GALNT1: variants seen among roughly 807,000 people sequenced by gnomAD.
GALNT1 encodes the protein polypeptide N-acetylgalactosaminyltransferase 1, also known as GalNAc transferase 1.
In GALNT1, 17 loss-of-function variants were observed where a neutral mutation model predicts 65.7. That is an observed-to-expected ratio of 0.26 (90% CI 0.18 to 0.39). GALNT1 has a LOEUF of 0.39. Ranked by LOEUF, GALNT1 falls within the 10% of genes least tolerant of loss-of-function variation. GALNT1 has a pLI of 1.00. For missense variants in GALNT1, 460 were observed against 672.8 expected, an observed-to-expected ratio of 0.68 and a Z score of 3.50; for synonymous variants, 210 against 219.7, an observed-to-expected ratio of 0.96 and a Z score of 0.39.
chr18:35,603,234 C>G (rs534410406), intron 1 of GALNT1, among the ~76,000 whole-genome samples: 21 of 152,148 alleles, frequency 1.4e-4, no homozygotes, highest in African/African-American at 5.1e-4. Flanking sequence ...TCACCTTGAC[C>G]TCACTTTTTC....
chr18:35,692,233 C>G lies in GALNT1; in HGVS notation c.1212C>G (p.His404Gln). ...GDISSRVGLRHKLQCKPFSWY... is the reference protein window; with the variant it reads ...GDISSRVGLRQKLQCKPFSWY... ...TATCGTCAAGAGTTGGTCTAAGACA[C>G]AAACTACAATGCAAACCTTTTTCCT... Residue 404 changes from histidine to glutamine, a missense_variant, in exon 9 of 12, where the codon CAC becomes CAG. Transcript: ENST00000269195. The G allele has an allele frequency of 6.2e-7, 1 of 1,610,302 alleles. No individual in the cohort carries two copies. Among genetic ancestry groups the G allele is most frequent in the Admixed American group, 1.7e-5 (1 of 59,856 alleles).
chr18:35,650,071 T>G (rs180815430), intron 1 of GALNT1, among the ~76,000 whole-genome samples: 4 of 152,322 alleles, frequency 2.6e-5, no homozygotes, highest in Non-Finnish European at 4.4e-5. Flanking sequence ...GGATGTTTGT[T>G]CTTTAAACTT....
At chr18:35,677,214 T>A (rs1176037329) in intron 3 of GALNT1, among the ~76,000 whole-genome samples, 1 of 152,218 alleles carries the variant, frequency 6.6e-6, no homozygotes, top group Non-Finnish European at 1.5e-5. Context: ...TTGTTTAGAT[T>A]ATTAAACTAC....
intron 11 of GALNT1, among the ~76,000 whole-genome samples, chr18:35,709,288 A>C (rs373732499): frequency 2.0e-5 from 3 of 152,172 alleles, no homozygotes; most frequent in Admixed American, 6.5e-5. Context: ...AGCACAAAAA[A>C]GAGAAGCTTC....
chr18:35,687,142 A>T lies in GALNT1; in HGVS notation c.816A>T (p.Gln272His). Residue 272 changes from glutamine (Q) to histidine (H), a missense_variant, in exon 6 of 12, where the codon CAA (glutamine) becomes CAT (histidine). Gln to His is a conservative substitution (Grantham distance 24). Coordinates refer to ENST00000269195, the MANE Select transcript of GALNT1 (RefSeq NM_020474.4). The part of the protein sequence containing the change: ...KLNFRWYPVP[Q>H]REMDRRKGDR... ...ATTTTCGCTGGTATCCTGTTCCCCA[A>T]AGAGAAATGGACAGAAGGAAAGGTG... 3 of 1,613,858 alleles carry T rather than the reference A, an allele frequency of 1.9e-6. No individual in the cohort carries two copies. Among genetic ancestry groups the T allele is most frequent in the Non-Finnish European group, 2.5e-6 (3 of 1,179,816 alleles).
chr18:35,656,431 A>G (rs2047386775), intron 2 of GALNT1, among the ~76,000 whole-genome samples: 1 of 152,180 alleles, frequency 6.6e-6, no homozygotes, highest in Non-Finnish European at 1.5e-5. Flanking sequence ...CACTTTAGGA[A>G]TGTGCACAAG....
chr18:35,630,457 G>C (rs899622039), intron 1 of GALNT1, among the ~76,000 whole-genome samples: 1 of 152,080 alleles, frequency 6.6e-6, no homozygotes, highest in African/African-American at 2.4e-5. Context: ...ATGACTACTG[G>C]GTACATAATG....
chr18:35,670,482 A>G (rs2047618954), intron 3 of GALNT1, among the ~76,000 whole-genome samples: 1 of 152,218 alleles, frequency 6.6e-6, no homozygotes, highest in Non-Finnish European at 1.5e-5. Flanking sequence ...TAAATTCTAA[A>G]GCAAAGAAAA....
At chr18:35,601,273 G>T (rs2143955827) in intron 1 of GALNT1, among the ~76,000 whole-genome samples, 1 of 151,950 alleles carries the variant, frequency 6.6e-6, no homozygotes, top group South Asian at 2.1e-4. Flanking sequence ...TATTTCTATG[G>T]TATCATTTGT....
chr18:35,668,929 G>C (rs1337558119), intron 3 of GALNT1, among the ~76,000 whole-genome samples: 3 of 152,158 alleles, frequency 2.0e-5, no homozygotes, highest in Non-Finnish European at 4.4e-5. Context: ...TAGCTATTAA[G>C]TAGAATTAAT....
chr18:35,618,913 A>G (rs2046817781), intron 1 of GALNT1, among the ~76,000 whole-genome samples: 1 of 152,204 alleles, frequency 6.6e-6, no homozygotes, highest in Non-Finnish European at 1.5e-5. Context: ...GGAGGCAGAG[A>G]ATAGCTTTTC....
chr18:35,688,593 A>C (rs1165021523), intron 6 of GALNT1, among the ~76,000 whole-genome samples: 1 of 152,174 alleles, frequency 6.6e-6, no homozygotes, highest in East Asian at 1.9e-4. Flanking sequence ...CACAGTCAGG[A>C]AGGAACATAT....
At chr18:35,655,834 A>C (rs1051830911) in intron 2 of GALNT1, among the ~76,000 whole-genome samples, 3 of 152,172 alleles carry the variant, frequency 2.0e-5, no homozygotes, top group African/African-American at 7.2e-5. Flanking sequence ...TTCTATTTAT[A>C]TCTTCTTGGG....
chr18:35,694,960 AG>A (rs1367080504), intron 9 of GALNT1, among the ~76,000 whole-genome samples: 3 of 152,206 alleles, frequency 2.0e-5, no homozygotes, highest in Non-Finnish European at 4.4e-5. Flanking sequence ...TAAGGCAGCT[AG>A]AATAGTCAAA....
intron 2 of GALNT1, among the ~76,000 whole-genome samples, chr18:35,655,748 A>G (rs1297828801): frequency 6.6e-6 from 1 of 152,158 alleles, no homozygotes; most frequent in Non-Finnish European, 1.5e-5. Flanking sequence ...AATTTACAAT[A>G]GAAAAAAAAT....
intron 2 of GALNT1, among the ~76,000 whole-genome samples, chr18:35,656,848 G>A (rs77074096): frequency 1.3e-5 from 2 of 152,274 alleles, no homozygotes; most frequent in East Asian, 3.9e-4. Flanking sequence ...TTGGAAAAGA[G>A]CTTGGAACAG....
intron 4 of GALNT1, 47 bp from the exon 5 acceptor site, chr18:35,683,344 G>T: frequency 6.8e-7 from 1 of 1,472,236 alleles, no homozygotes; most frequent in South Asian, 1.2e-5. Flanking sequence ...CATCTGAATA[G>T]TGCCAGGCCA....
chr18:35,583,436 A>G (rs1245767461), intron 1 of GALNT1, among the ~76,000 whole-genome samples: 2 of 152,204 alleles, frequency 1.3e-5, no homozygotes, highest in African/African-American at 4.8e-5. Context: ...AGCACTCACC[A>G]TTTATGCAAA....
intron 9 of GALNT1, among the ~76,000 whole-genome samples, chr18:35,697,141 A>G (rs745780537): frequency 6.6e-6 from 1 of 152,208 alleles, no homozygotes; most frequent in Non-Finnish European, 1.5e-5. Flanking sequence ...TAAAGGAAAG[A>G]AAACCAACGG....
Sources: allele counts gnomAD v4.1 joint callset (sites outside exome capture counted in the v4.1 genomes callset), GRCh38; gene constraint gnomAD v4.1.1; transcripts MANE v1.5; gene names NCBI Gene and HGNC (gene_info 2026-07-23, HGNC 2026-07-21).